The following AGBL4 variants were observed in gnomAD, a reference collection of about 807,000 sequenced individuals.
The protein encoded by AGBL4 is AGBL carboxypeptidase 4.
AGBL4 carries 58 observed loss-of-function variants against 66.4 expected under a neutral mutation model. That is an observed-to-expected ratio of 0.87 (90% confidence interval 0.71 to 1.09). AGBL4 has a LOEUF of 1.09. Ranked by LOEUF, AGBL4 falls within the 50% of genes least tolerant of loss-of-function variation. The pLI is 0.00. For missense variants in AGBL4, 579 were observed against 631.0 expected (o/e 0.92, Z 0.88); for synonymous variants, 234 against 222.9 (o/e 1.05, Z -0.44).
intron 1 of AGBL4, among the ~76,000 whole-genome samples, chr1:50,016,397 C>T (rs1437620229): frequency 2.0e-5 from 3 of 152,038 alleles, no homozygotes; most frequent in African/African-American, 7.2e-5. Context: ...CCCACCTCTA[C>T]TAAAAAACAC....
At chr1:49,481,443 A>G (rs1646953476) in intron 3 of AGBL4, among the ~76,000 whole-genome samples, 1 of 151,984 alleles carries the variant, frequency 6.6e-6, no homozygotes. Flanking sequence ...TTTTTAGCAT[A>G]TAAGAATGAG....
At chr1:49,917,622 C>A (rs1651693736) in intron 1 of AGBL4, among the ~76,000 whole-genome samples, 3 of 152,048 alleles carry the variant, frequency 2.0e-5, no homozygotes, top group Admixed American at 1.3e-4. Flanking sequence ...TAGACTCCCA[C>A]ACAATAATAA....
chr1:48,846,435 G>A (rs533170473), intron 6 of AGBL4, among the ~76,000 whole-genome samples: 2 of 150,242 alleles, frequency 1.3e-5, no homozygotes, highest in South Asian at 4.2e-4. Context: ...TTCATTTATA[G>A]TAGGCAAAAT....
intron 4 of AGBL4, among the ~76,000 whole-genome samples, chr1:49,127,495 G>C (rs1645789968): frequency 6.6e-6 from 1 of 152,064 alleles, no homozygotes; most frequent in Non-Finnish European, 1.5e-5. Context: ...GAGGTAATGA[G>C]GGGTAGTTTT....
intron 3 of AGBL4, among the ~76,000 whole-genome samples, chr1:49,373,886 G>T (rs1030962923): frequency 1.3e-5 from 2 of 151,996 alleles, no homozygotes; most frequent in African/African-American, 2.4e-5. Flanking sequence ...CAAGTGGCCC[G>T]GTATATGGTA....
At position 49,613,378 on chromosome 1, in the gene AGBL4, G is replaced by C. The variant is rs147797875; in HGVS notation, c.282+83935C>G. 5.8e-3 allele frequency among the ~76,000 whole-genome samples: 881 copies of C among 152,160 alleles called. 11 individuals are homozygous for C. The highest frequency in any genetic ancestry group is 0.02 in the African/African-American group (841 of 41,494). ...CCTGCACATGTATCACCTAAACCAG[G>C]GTTTCTCAACCTCCAGGCCATGGAC... On this transcript the variant is annotated intron_variant, in intron 3 of 13. Transcript: ENST00000371839.
At chr1:49,477,155 G>A (rs1188566960) in intron 3 of AGBL4, among the ~76,000 whole-genome samples, 1 of 152,092 alleles carries the variant, frequency 6.6e-6, no homozygotes. Context: ...CCTCACTGAA[G>A]GGAAGGATAT....
intron 4 of AGBL4, among the ~76,000 whole-genome samples, chr1:49,204,380 C>T (rs1253419161): frequency 2.0e-5 from 3 of 152,040 alleles, no homozygotes; most frequent in Admixed American, 6.6e-5. Flanking sequence ...AAGCAATCCT[C>T]CCTCCTCAGC....
intron 3 of AGBL4, among the ~76,000 whole-genome samples, chr1:49,282,344 C>G (rs962420798): frequency 6.6e-6 from 1 of 152,074 alleles, no homozygotes; most frequent in African/African-American, 2.4e-5. Context: ...TGTCATTTCT[C>G]TTCAATGAGG....
At chr1:49,912,732 T>C (rs1650981908) in intron 1 of AGBL4, among the ~76,000 whole-genome samples, 1 of 152,118 alleles carries the variant, frequency 6.6e-6, no homozygotes, top group East Asian at 1.9e-4. Flanking sequence ...GACTAGGTAG[T>C]TTATAAGAAA....
At chr1:48,945,096 G>A (rs1199338893) in intron 5 of AGBL4, among the ~76,000 whole-genome samples, 1 of 152,108 alleles carries the variant, frequency 6.6e-6, no homozygotes. Context: ...GATGTCCTGT[G>A]GTGCTGCCAC....
At chr1:48,818,227 G>A (rs771034159) in intron 6 of AGBL4, 32 of 717,390 alleles carry the variant, frequency 4.5e-5, no homozygotes, top group South Asian at 2.8e-4. Flanking sequence ...TTCCAGCTGC[G>A]TAAATTAGTT....
chr1:49,066,223 G>A (rs538855041), intron 4 of AGBL4, among the ~76,000 whole-genome samples: 9 of 152,224 alleles, frequency 5.9e-5, no homozygotes, highest in Admixed American at 5.2e-4. Flanking sequence ...CTGTTCTTCT[G>A]GGCTGAGACC....
intron 6 of AGBL4, among the ~76,000 whole-genome samples, chr1:48,766,616 C>T (rs1644544451): frequency 6.6e-6 from 1 of 152,180 alleles, no homozygotes; most frequent in South Asian, 2.1e-4. Flanking sequence ...TCTGAGGTGT[C>T]AGGAATGAGT....
intron 3 of AGBL4, among the ~76,000 whole-genome samples, chr1:49,592,782 A>C (rs1404649577): frequency 6.6e-6 from 1 of 152,182 alleles, no homozygotes; most frequent in Non-Finnish European, 1.5e-5. Flanking sequence ...CATATATACT[A>C]TTGGTGGGAA....
At chr1:49,100,145 G>C (rs1158873556) in intron 4 of AGBL4, among the ~76,000 whole-genome samples, 1 of 152,142 alleles carries the variant, frequency 6.6e-6, no homozygotes, top group African/African-American at 2.4e-5. Context: ...GCTGAAGGAG[G>C]AGAAAGAAGT....
intron 4 of AGBL4, among the ~76,000 whole-genome samples, chr1:49,219,509 C>T (rs1242045767): frequency 6.6e-6 from 1 of 152,062 alleles, no homozygotes; most frequent in East Asian, 1.9e-4. Flanking sequence ...TATGGTGCAA[C>T]CTATTTAAGA....
chr1:49,295,144 C>T (rs1350636867), intron 3 of AGBL4, among the ~76,000 whole-genome samples: 1 of 152,164 alleles, frequency 6.6e-6, no homozygotes, highest in Non-Finnish European at 1.5e-5. Context: ...TTCCACCTAC[C>T]CAAATCCTAT....
In AGBL4 at chr1:49,237,648, T is replaced by C. The variant is rs559661778; in HGVS notation, c.377+8122A>G. Among the ~76,000 whole-genome samples the C allele has an allele frequency of 2.0e-5, 3 of 150,910 alleles. No individual in the cohort carries two copies. In the East Asian group the frequency reaches 5.8e-4, roughly 29 times the overall value. On this transcript the variant is annotated intron_variant, in intron 4 of 13. Transcript: ENST00000371839. Reference sequence around the variant, plus strand: ...TGTAGAAACTCTACCTTATTTTAAGTCCCTTTACCTTTCCACGTGTAATTC... The same window carrying C: ...TGTAGAAACTCTACCTTATTTTAAGCCCCTTTACCTTTCCACGTGTAATTC...
Sources: allele counts gnomAD v4.1 joint callset (sites outside exome capture counted in the v4.1 genomes callset), GRCh38; gene constraint gnomAD v4.1.1; transcripts MANE v1.5; gene names NCBI Gene and HGNC (gene_info 2026-07-23, HGNC 2026-07-21).